TRPM3: variants seen among roughly 807,000 people sequenced by gnomAD.
TRPM3 encodes the protein transient receptor potential cation channel subfamily M member 3.
In TRPM3, 77 loss-of-function variants were observed where a neutral mutation model predicts 181.2. The ratio of observed to expected loss-of-function variants is 0.42; its 90% confidence interval spans 0.35 to 0.51. The LOEUF is 0.51. TRPM3 is among the 20% of genes least tolerant of loss of function. The pLI is 0.01. For synonymous variants in TRPM3, 745 were observed against 796.4 expected, an observed-to-expected ratio of 0.94 and a Z score of 1.09; for missense variants, 1,759 against 2,196.7, an observed-to-expected ratio of 0.80 and a Z score of 3.98.
intron 9 of TRPM3, among the ~76,000 whole-genome samples, chr9:70,671,929 A>AGT (rs756835607): frequency 0.22 from 21,679 of 98,338 alleles, 2,140 homozygotes; most frequent in East Asian, 0.44. Flanking sequence ...ATGTCCAGCT[A>AGT]ATTTTTTTTT....
chr9:71,159,660 C>A (rs994794616), intron 1 of TRPM3, among the ~76,000 whole-genome samples: 6 of 152,084 alleles, frequency 3.9e-5, no homozygotes, highest in African/African-American at 1.4e-4. Context: ...TGAAAAATAG[C>A]TTATACCTGT....
intron 1 of TRPM3, among the ~76,000 whole-genome samples, chr9:70,927,430 GA>G (rs1215315901): frequency 6.6e-6 from 1 of 152,110 alleles, no homozygotes; most frequent in Non-Finnish European, 1.5e-5. Context: ...CACAGCATAA[GA>G]AAAGGTAAAA....
intron 7 of TRPM3, among the ~76,000 whole-genome samples, chr9:70,783,595 T>C (rs572585223): frequency 3.3e-5 from 5 of 152,226 alleles, no homozygotes; most frequent in Admixed American, 2.0e-4. Flanking sequence ...TAGTTACCAT[T>C]ACAGAGATTT....
chr9:71,365,264 G>A (rs1056022423), intron 1 of TRPM3, among the ~76,000 whole-genome samples: 1 of 152,134 alleles, frequency 6.6e-6, no homozygotes, highest in African/African-American at 2.4e-5. Flanking sequence ...ATAATAGCAT[G>A]TTTTTGGTGA....
chr9:70,802,070 T>G (rs2089270095), intron 6 of TRPM3, among the ~76,000 whole-genome samples: 1 of 152,210 alleles, frequency 6.6e-6, no homozygotes. Flanking sequence ...CAAGGAAGTT[T>G]CCAAGTGATG....
intron 1 of TRPM3, among the ~76,000 whole-genome samples, chr9:71,221,881 AAGAAGCAGCTACCCAGAG>A (rs1203929088): frequency 1.3e-5 from 2 of 152,226 alleles, no homozygotes; most frequent in African/African-American, 4.8e-5. Context: ...TCTGCCTCAG[AAGAAGCAGCTACCCAGAG>A]CTGCAATGAG....
intron 22 of TRPM3, among the ~76,000 whole-genome samples, chr9:70,563,878 G>A (rs74940462): frequency 0.027 from 4,098 of 152,282 alleles, 175 homozygotes; most frequent in African/African-American, 0.089. Flanking sequence ...GTCAGCTCAC[G>A]CATGTCGTGC....
intron 6 of TRPM3, chr9:70,825,217 AGGG>A (rs2093476771): frequency 6.6e-6 from 1 of 152,186 alleles, no homozygotes; most frequent in Admixed American, 6.5e-5. Flanking sequence ...TATTAAGTTC[AGGG>A]GTAGAACTGC....
At position 70,828,011 on chromosome 9, in the gene TRPM3, C is replaced by A; in HGVS notation, c.809G>T (p.Arg270Leu). The A allele has an allele frequency of 6.2e-7, 1 of 1,610,248 alleles. No homozygotes were observed. The highest frequency in any genetic ancestry group is 8.5e-7 in the Non-Finnish European group (1 of 1,177,668). Reference sequence around the variant, plus strand: ...GGGATTGGACATGGTCTGGTATGGCCGGACAACCTGCAGGGTATCAAATGG... The same window carrying A: ...GGGATTGGACATGGTCTGGTATGGCAGGACAACCTGCAGGGTATCAAATGG... Reference protein sequence around the residue: ...QEDLIGRDVVRPYQTMSNPMS... With the variant: ...QEDLIGRDVVLPYQTMSNPMS... The change falls in exon 6 of 26, where the codon CGG becomes CTG. Residue 270 changes from arginine (R) to leucine (L), a missense_variant. Coordinates refer to ENST00000677713, the MANE Select transcript of TRPM3 (RefSeq NM_001366145.2).
chr9:70,594,169 G>T (rs2058608629), intron 21 of TRPM3, among the ~76,000 whole-genome samples: 1 of 150,860 alleles, frequency 6.6e-6, no homozygotes, highest in Non-Finnish European at 1.5e-5. Flanking sequence ...GTGGCCTCGG[G>T]CAAGCTGCTT....
intron 1 of TRPM3, among the ~76,000 whole-genome samples, chr9:71,188,049 T>C (rs2077791248): frequency 6.6e-6 from 1 of 151,986 alleles, no homozygotes; most frequent in Admixed American, 6.6e-5. Flanking sequence ...TCTTTCCATT[T>C]CTTTATATTA....
intron 19 of TRPM3, among the ~76,000 whole-genome samples, chr9:70,609,677 A>G (rs1213381428): frequency 6.6e-6 from 1 of 152,250 alleles, no homozygotes; most frequent in African/African-American, 2.4e-5. Flanking sequence ...AGAGAAACCC[A>G]GCTTTAAAGT....
intron 8 of TRPM3, among the ~76,000 whole-genome samples, chr9:70,701,264 A>G (rs1044508229): frequency 2.6e-5 from 4 of 152,188 alleles, no homozygotes; most frequent in African/African-American, 9.7e-5. Context: ...CGATGTTCTC[A>G]TTGACTGTCA....
intron 9 of TRPM3, among the ~76,000 whole-genome samples, chr9:70,658,639 T>C (rs1047644773): frequency 1.3e-5 from 2 of 152,124 alleles, no homozygotes; most frequent in Non-Finnish European, 2.9e-5. Context: ...GTCAATTGTG[T>C]CTTTGACTAT....
chr9:71,163,012 T>C (rs2076352812), intron 1 of TRPM3, among the ~76,000 whole-genome samples: 1 of 152,142 alleles, frequency 6.6e-6, no homozygotes, highest in Admixed American at 6.6e-5. Context: ...GAGTGATGAA[T>C]AGATCTCAGA....
chr9:71,033,818 T>A (rs1239401803), intron 1 of TRPM3, among the ~76,000 whole-genome samples: 2 of 152,192 alleles, frequency 1.3e-5, no homozygotes, highest in African/African-American at 4.8e-5. Context: ...AGTTTCTAAC[T>A]CACTTATTCC....
intron 9 of TRPM3, among the ~76,000 whole-genome samples, chr9:70,675,507 A>C (rs1038580321): frequency 1.3e-5 from 2 of 152,234 alleles, no homozygotes; most frequent in Non-Finnish European, 2.9e-5. Context: ...TATTGATAGC[A>C]TTAATTTTGT....
intron 1 of TRPM3, among the ~76,000 whole-genome samples, chr9:71,293,208 T>C (rs2085969589): frequency 6.6e-6 from 1 of 151,774 alleles, no homozygotes; most frequent in African/African-American, 2.4e-5. Context: ...AATAATGAAA[T>C]ATTAAAATTA....
At chr9:70,761,294 A>T in intron 8 of TRPM3, 1 of 604,544 alleles carries the variant, frequency 1.7e-6, no homozygotes, top group Non-Finnish European at 3.0e-6. Flanking sequence ...ATCAAGCTGA[A>T]GCGTTCTCCA....
Sources: allele counts gnomAD v4.1 joint callset (sites outside exome capture counted in the v4.1 genomes callset), GRCh38; gene constraint gnomAD v4.1.1; transcripts MANE v1.5; gene names NCBI Gene and HGNC (gene_info 2026-07-23, HGNC 2026-07-21).